Variants in GAS7 observed in about 807,000 individuals in gnomAD.
GAS7 encodes growth arrest-specific protein 7.
A neutral mutation model predicts 71.1 loss-of-function variants in GAS7; 28 were observed. The ratio of observed to expected loss-of-function variants is 0.39; its 90% CI spans 0.29 to 0.54. The LOEUF is 0.54. GAS7 is among the 20% of genes least tolerant of loss of function. The pLI is 0.62. For missense variants in GAS7, 436 were observed against 627.8 expected (o/e 0.69, Z 3.27); for synonymous variants, 258 against 245.8 (o/e 1.05, Z -0.46).
intron 9 of GAS7, among the ~76,000 whole-genome samples, chr17:9,932,151 G>A (rs910420622): frequency 6.6e-6 from 1 of 151,956 alleles, no homozygotes; most frequent in Non-Finnish European, 1.5e-5. Flanking sequence ...AGAGCGAGGA[G>A]GCCAGGGTCA....
chr17:10,005,020 T>G (rs2071415814), intron 2 of GAS7, among the ~76,000 whole-genome samples: 1 of 93,738 alleles, frequency 1.1e-5, no homozygotes, highest in Non-Finnish European at 1.9e-5. Context: ...TCTCTCTCGC[T>G]CTCTCTCTCT....
chr17:10,078,821 G>A (rs1179063134), intron 1 of GAS7, among the ~76,000 whole-genome samples: 1 of 152,202 alleles, frequency 6.6e-6, no homozygotes, highest in Non-Finnish European at 1.5e-5. Context: ...GGCCAAGGCG[G>A]GAGGACTGCT....
intron 1 of GAS7, among the ~76,000 whole-genome samples, chr17:10,166,738 G>GA (rs1371823974): frequency 5.3e-5 from 8 of 152,174 alleles, no homozygotes; most frequent in Non-Finnish European, 1.2e-4. Flanking sequence ...CTTAGTCAGT[G>GA]AAAATACAAG....
intron 1 of GAS7, among the ~76,000 whole-genome samples, chr17:10,168,423 C>T (rs964897353): frequency 1.8e-4 from 27 of 152,166 alleles, no homozygotes; most frequent in African/African-American, 6.5e-4. Flanking sequence ...GTTTTTCAAC[C>T]TTTTTTCATT....
intron 3 of GAS7, among the ~76,000 whole-genome samples, chr17:9,976,741 G>A (rs1249633031): frequency 1.3e-5 from 2 of 152,156 alleles, no homozygotes; most frequent in East Asian, 1.9e-4. Flanking sequence ...GCCAGATCCT[G>A]AACCCATGTT....
intron 9 of GAS7, among the ~76,000 whole-genome samples, chr17:9,932,202 T>TC (rs2068235226): frequency 6.7e-6 from 1 of 149,086 alleles, no homozygotes; most frequent in East Asian, 2.0e-4. Flanking sequence ...CGCTTTTTTT[T>TC]TTTTTTTTTT....
chr17:10,023,079 G>A (rs578085879), intron 1 of GAS7, among the ~76,000 whole-genome samples: 3 of 152,368 alleles, frequency 2.0e-5, no homozygotes, highest in Non-Finnish European at 2.9e-5. Flanking sequence ...GGACCTTACA[G>A]AAGGTGGGAG....
intron 1 of GAS7, among the ~76,000 whole-genome samples, chr17:10,126,109 G>A (rs1427974026): frequency 2.0e-5 from 3 of 152,138 alleles, no homozygotes; most frequent in African/African-American, 7.2e-5. Context: ...ACACTATTTG[G>A]GTTCCCTGGC....
At chr17:9,923,258 AAGT>A (rs1022140802) in intron 11 of GAS7, among the ~76,000 whole-genome samples, 2 of 151,950 alleles carry the variant, frequency 1.3e-5, no homozygotes, top group African/African-American at 4.8e-5. Context: ...CAAAAAAAAA[AAGT>A]AAGAAAAAAC....
intron 1 of GAS7, among the ~76,000 whole-genome samples, chr17:10,113,737 C>T (rs909011652): frequency 1.3e-5 from 2 of 152,180 alleles, no homozygotes; most frequent in East Asian, 1.9e-4. Flanking sequence ...AAACTGATCA[C>T]TTGTTTGCCA....
intron 1 of GAS7, among the ~76,000 whole-genome samples, chr17:10,196,998 C>T (rs561706029): frequency 6.6e-6 from 1 of 152,174 alleles, no homozygotes; most frequent in African/African-American, 2.4e-5. Flanking sequence ...ATTCCAGCAG[C>T]CCCTAAACTT....
At chr17:10,135,901 G>A (rs1224614344) in intron 1 of GAS7, among the ~76,000 whole-genome samples, 1 of 152,184 alleles carries the variant, frequency 6.6e-6, no homozygotes, top group Non-Finnish European at 1.5e-5. Context: ...AAGACTTGAG[G>A]CTGTAATATT....
At chr17:9,982,804 A>G (rs1040738717) in intron 2 of GAS7, among the ~76,000 whole-genome samples, 7 of 78,682 alleles carry the variant, frequency 8.9e-5, no homozygotes, top group Non-Finnish European at 9.7e-5. Context: ...AAAGGAAAGA[A>G]AGGAAAGAAA....
intron 2 of GAS7, among the ~76,000 whole-genome samples, chr17:10,011,666 G>A (rs535284693): frequency 4.6e-5 from 7 of 152,090 alleles, no homozygotes; most frequent in African/African-American, 1.2e-4. Context: ...CTTTATAGTG[G>A]GGGAGAAAGG....
intron 1 of GAS7, among the ~76,000 whole-genome samples, chr17:10,135,984 A>G (rs2074034764): frequency 6.6e-6 from 1 of 152,194 alleles, no homozygotes; most frequent in Non-Finnish European, 1.5e-5. Flanking sequence ...AGCATGACTT[A>G]GCGAGTTGGC....
At chr17:10,158,154 G>A (rs1438506949) in intron 1 of GAS7, among the ~76,000 whole-genome samples, 1 of 151,992 alleles carries the variant, frequency 6.6e-6, no homozygotes, top group Non-Finnish European at 1.5e-5. Flanking sequence ...GGGTCTACAG[G>A]CGTCCGCCAC....
Position 10,085,864 on chromosome 17 carries a change from T to C in GAS7, c.184-65967A>G, listed in dbSNP as rs188136356. Among the ~76,000 whole-genome samples, 26 of 152,280 alleles carry C rather than the reference T, an allele frequency of 1.7e-4. No individual in the cohort carries two copies. In the East Asian group the frequency reaches 4.4e-3, roughly 26 times the overall value. ...CTGACGCTGAGCAAGAAAAATGTTT[T>C]CCCAAGGTGGCAGAGCTCCTGAGTG... On this transcript the variant is annotated intron_variant, in intron 1 of 13. Transcript: ENST00000432992.
chr17:9,926,335 G>A lies in GAS7; in HGVS notation c.1014+306C>T, dbSNP rs1172816411. On this transcript the variant is annotated intron_variant, in intron 10 of 13. Transcript: ENST00000432992. The surrounding 1 kb of genome is among the most constrained non-coding windows in gnomAD (Gnocchi z 5.0). The stretch of plus-strand genomic sequence containing the variant: ...CGGGGCCCCACGTGAACCAGCAGCA[G>A]CACTGCTAGGCTCGGGGTTTAACTG... Among the ~76,000 whole-genome samples, 2 of 152,146 alleles carry A rather than the reference G, an allele frequency of 1.3e-5. No individual in the cohort carries two copies. The highest frequency in any genetic ancestry group is 2.1e-4 in the South Asian group (1 of 4,830).
At chr17:9,920,008 T>C (rs201402020) in intron 11 of GAS7, among the ~76,000 whole-genome samples, 2 of 143,832 alleles carry the variant, frequency 1.4e-5, no homozygotes, top group African/African-American at 5.5e-5. Context: ...TGTGTGTGTG[T>C]GTGTGTGTCT....
Sources: gnomAD v4.1 joint callset for allele counts (sites outside exome capture counted in the v4.1 genomes callset) on GRCh38, gnomAD v4.1.1 for gene constraint, Gnocchi (gnomAD v3.1) non-coding constraint, MANE v1.5 for transcripts, NCBI Gene and HGNC (gene_info 2026-07-23, HGNC 2026-07-21) for gene names.